COL11A1: variants seen among roughly 807,000 people sequenced by gnomAD.
The protein encoded by COL11A1 is collagen type XI alpha 1 chain, also known as collagen alpha-1(XI) chain.
Under a neutral mutation model 265.2 loss-of-function variants are expected in COL11A1, and 74 were observed. The ratio of observed to expected loss-of-function variants is 0.28; its 90% confidence interval spans 0.23 to 0.34. The LOEUF is 0.34. Among genes scored for constraint, COL11A1 ranks in the 10% least tolerant of loss-of-function variants. COL11A1 has a pLI of 1.00. For synonymous variants in COL11A1, 816 were observed against 727.6 expected, an observed-to-expected ratio of 1.12 and a Z score of -1.96; for missense variants, 2,165 against 2,263.6, an observed-to-expected ratio of 0.96 and a Z score of 0.88.
intron 37 of COL11A1, 73 bp from the exon 38 acceptor site, chr1:102,965,613 T>C: frequency 1.6e-6 from 2 of 1,226,188 alleles, no homozygotes; most frequent in Non-Finnish European, 2.4e-6. Flanking sequence ...ATGAGATAGC[T>C]GAATAAGTCA....
chr1:103,092,553 T>G (rs1182810307), intron 1 of COL11A1, among the ~76,000 whole-genome samples: 1 of 152,122 alleles, frequency 6.6e-6, no homozygotes, highest in Admixed American at 6.6e-5. Context: ...CAGCAATAAA[T>G]GAAAACTGCA....
At chr1:102,929,723 T>A (rs558743305) in intron 46 of COL11A1, among the ~76,000 whole-genome samples, 11,286 of 150,662 alleles carry the variant, frequency 0.075, 942 homozygotes, top group African/African-American at 0.2. Context: ...CCTACCCATT[T>A]GCATGGAATG....
At chr1:102,965,405 T>C in intron 38 of COL11A1, 82 bp downstream of exon 38, 1 of 1,232,556 alleles carries the variant, frequency 8.1e-7, no homozygotes, top group Non-Finnish European at 1.2e-6. Context: ...ATAATAAATT[T>C]AGAAGATTTT....
chr1:103,094,127 T>C (rs1673552367), intron 1 of COL11A1, among the ~76,000 whole-genome samples: 1 of 151,920 alleles, frequency 6.6e-6, no homozygotes, highest in Admixed American at 6.6e-5. Flanking sequence ...ATTGTGGATA[T>C]GGAAAAAAAA....
chr1:102,935,562 T>C (rs2101227486), intron 44 of COL11A1, among the ~76,000 whole-genome samples: 1 of 152,194 alleles, frequency 6.6e-6, no homozygotes, highest in Non-Finnish European at 1.5e-5. Flanking sequence ...TATATGAAAA[T>C]TTGGAATTTT....
chr1:103,038,275 C>A (rs1057284299), intron 4 of COL11A1, among the ~76,000 whole-genome samples: 2 of 151,974 alleles, frequency 1.3e-5, no homozygotes, highest in African/African-American at 4.8e-5. Flanking sequence ...CCAGCCTGAC[C>A]AACATGGTGA....
At chr1:102,987,888 A>AGTT in intron 29 of COL11A1, 148 bp from the exon 30 acceptor site, 1 of 688,792 alleles carries the variant, frequency 1.5e-6, no homozygotes, top group Non-Finnish European at 2.6e-6. Flanking sequence ...GTTCCTGGGC[A>AGTT]TGGAGCAAGC....
intron 15 of COL11A1, 46 bp from the exon 16 acceptor site, chr1:103,006,361 C>T (rs369597306): frequency 7.1e-7 from 1 of 1,411,076 alleles, no homozygotes; most frequent in Non-Finnish European, 9.9e-7. Flanking sequence ...AATTCTTGAT[C>T]AATAAACTCA....
intron 28 of COL11A1, among the ~76,000 whole-genome samples, chr1:102,993,401 G>C (rs1381932797): frequency 1.3e-5 from 2 of 151,880 alleles, no homozygotes; most frequent in Non-Finnish European, 2.9e-5. Flanking sequence ...GATATAAAAG[G>C]CTATAGTATT....
chr1:103,094,936 G>A (rs540716722), intron 1 of COL11A1, among the ~76,000 whole-genome samples: 1 of 152,068 alleles, frequency 6.6e-6, no homozygotes, highest in South Asian at 2.1e-4. Context: ...ACATGATTCT[G>A]AATTTATCTT....
At position 102,978,370 on chromosome 1, in the gene COL11A1, T is replaced by C. The variant is rs562729415; in HGVS notation, c.2754+338A>G. ...GCCAGCTCTGTGAACAAAATGAGTA[T>C]CAATATGGAAAGCAAGCTGATTGGA... is the stretch of plus-strand genomic sequence containing the variant. On this transcript the variant is annotated intron_variant, in intron 35 of 66. Transcript: ENST00000370096. 1.1e-4 allele frequency among the ~76,000 whole-genome samples: 16 copies of C among 152,262 alleles called. 1 individual carries two copies. Among genetic ancestry groups the C allele is most frequent in the African/African-American group, 3.6e-4 (15 of 41,560 alleles).
intron 32 of COL11A1, 31 bp from the exon 33 acceptor site, chr1:102,979,135 G>C (rs1465693569): frequency 4.4e-6 from 7 of 1,597,458 alleles, no homozygotes; most frequent in Non-Finnish European, 6.0e-6. Flanking sequence ...TCAATATGCA[G>C]TATATCACAG....
At chr1:102,951,135 C>T (rs1279967577) in intron 41 of COL11A1, among the ~76,000 whole-genome samples, 1 of 152,078 alleles carries the variant, frequency 6.6e-6, no homozygotes, top group Non-Finnish European at 1.5e-5. Flanking sequence ...GACTGATATA[C>T]CATCTTACCA....
intron 42 of COL11A1, among the ~76,000 whole-genome samples, chr1:102,946,277 T>C (rs1202883480): frequency 1.3e-5 from 2 of 150,666 alleles, no homozygotes; most frequent in African/African-American, 2.4e-5. Flanking sequence ...TGTATACATA[T>C]GTAACTAACC....
At chr1:102,913,454 A>C (rs1167292452) in intron 53 of COL11A1, among the ~76,000 whole-genome samples, 183 bp downstream of exon 53, 1 of 152,170 alleles carries the variant, frequency 6.6e-6, no homozygotes, top group African/African-American at 2.4e-5. Flanking sequence ...ATTTACATCA[A>C]ATAAGAAACA....
intron 23 of COL11A1, among the ~76,000 whole-genome samples, chr1:103,002,226 T>C (rs918335298): frequency 2.6e-5 from 4 of 152,108 alleles, no homozygotes; most frequent in Non-Finnish European, 5.9e-5. Context: ...AAACATTGAA[T>C]GAGTCATTTT....
In COL11A1 at chr1:103,008,529, A is replaced by G. The variant is rs370547604; in HGVS notation, c.1630-13T>C. On this transcript the variant is annotated splice_polypyrimidine_tract_variant and intron_variant, in intron 14 of 66. Transcript: ENST00000370096. ...AACCAGGCCCCCCCTATAGAGAAAA[A>G]GTGAAGATATTTCACTTAATTTAGC... is the stretch of plus-strand genomic sequence containing the variant. 2.3e-4 allele frequency: 368 copies of G among 1,612,786 alleles called. 2 individuals carry two copies. Among genetic ancestry groups the G allele is most frequent in the Non-Finnish European group, 3.0e-4 (348 of 1,178,980 alleles).
chr1:102,990,680 T>C (rs961332619), intron 28 of COL11A1, among the ~76,000 whole-genome samples: 3 of 151,810 alleles, frequency 2.0e-5, no homozygotes, highest in African/African-American at 4.8e-5. Context: ...TAAAATTAAT[T>C]GAGCAATTAC....
In COL11A1 at chr1:102,879,800, G is replaced by C. The variant is rs918039325; in HGVS notation, c.5157C>G (p.Ala1719=). The change falls in exon 66 of 67, where the codon GCC becomes GCG. Residue 1719 remains alanine (A), a synonymous_variant. Transcript: ENST00000370096. The part of the protein sequence containing the change: ...NFTYHCHQSA[A]WYDVSSGSYD... ...AACTTCCTGATGACACATCATACCAGGCTGCTGACTGATGACAGTGGTAGG... is the reference window on the plus strand; with the variant it reads ...AACTTCCTGATGACACATCATACCACGCTGCTGACTGATGACAGTGGTAGG... 6.2e-7 allele frequency: 1 copy of C among 1,613,972 alleles called. No homozygotes were observed. The highest frequency in any genetic ancestry group is 1.7e-5 in the Admixed American group (1 of 59,978).
Sources: gnomAD v4.1 joint callset for allele counts (sites outside exome capture counted in the v4.1 genomes callset) on GRCh38, gnomAD v4.1.1 for gene constraint, MANE v1.5 for transcripts, NCBI Gene and HGNC (gene_info 2026-07-23, HGNC 2026-07-21) for gene names.